AFAP1: variants seen among roughly 807,000 people sequenced by gnomAD.
AFAP1 encodes the protein actin filament associated protein 1.
Under a neutral mutation model 93.9 loss-of-function variants are expected in AFAP1, and 75 were observed. The observed-to-expected ratio is 0.80, with a 90% confidence interval of 0.66 to 0.97. The LOEUF (loss-of-function observed/expected upper bound fraction) is 0.97, where lower values mean the gene tolerates loss of function less well. Among genes scored for constraint, AFAP1 ranks in the 50% least tolerant of loss-of-function variants. AFAP1 has a pLI of 0.00. For synonymous variants in AFAP1, 517 were observed against 430.7 expected, an observed-to-expected ratio of 1.20 and a Z score of -2.48; for missense variants, 1,201 against 1,050.8, an observed-to-expected ratio of 1.14 and a Z score of -1.98.
chr4:7,783,300 C>A (rs889482328), intron 12 of AFAP1, among the ~76,000 whole-genome samples: 1 of 152,086 alleles, frequency 6.6e-6, no homozygotes, highest in Non-Finnish European at 1.5e-5. Context: ...CCACCATGCC[C>A]GGCTAATTTT....
At chr4:7,931,648 G>A (rs1721075251) in intron 1 of AFAP1, among the ~76,000 whole-genome samples, 1 of 151,654 alleles carries the variant, frequency 6.6e-6, no homozygotes, top group African/African-American at 2.4e-5. Flanking sequence ...CTCCCTAAGT[G>A]CTGGGATTAC....
At chr4:7,841,740 A>G (rs1359457029) in intron 5 of AFAP1, among the ~76,000 whole-genome samples, 2 of 152,224 alleles carry the variant, frequency 1.3e-5, no homozygotes, top group African/African-American at 4.8e-5. Flanking sequence ...ATTTGACCAA[A>G]CAGTGCTTTC....
intron 1 of AFAP1, among the ~76,000 whole-genome samples, chr4:7,934,754 C>T (rs770911118): frequency 5.9e-5 from 9 of 152,202 alleles, no homozygotes; most frequent in South Asian, 2.1e-4. Context: ...AAATGTGATG[C>T]TTTGCTGACC....
At chr4:7,790,746 G>C (rs1041901271) in intron 11 of AFAP1, among the ~76,000 whole-genome samples, 3 of 152,146 alleles carry the variant, frequency 2.0e-5, no homozygotes, top group Non-Finnish European at 4.4e-5. Context: ...TTGCTGATTA[G>C]AAAGAATATA....
intron 12 of AFAP1, 80 bp downstream of exon 12, chr4:7,786,114 C>A: frequency 7.5e-7 from 1 of 1,332,634 alleles, no homozygotes; most frequent in African/African-American, 1.5e-5. Flanking sequence ...AGACCTGAAA[C>A]CAGGGGAACT....
chr4:7,905,420 C>T (rs184061133), intron 1 of AFAP1, among the ~76,000 whole-genome samples: 325 of 152,258 alleles, frequency 2.1e-3, no homozygotes, highest in Non-Finnish European at 3.8e-3. Flanking sequence ...CTAATAAAAC[C>T]ACAAAAGGAT....
intron 9 of AFAP1, among the ~76,000 whole-genome samples, chr4:7,804,261 C>T (rs1285017691): frequency 1.3e-5 from 2 of 152,302 alleles, no homozygotes; most frequent in East Asian, 3.9e-4. Flanking sequence ...GAACTGCAGG[C>T]GGGAGCTTCA....
At chr4:7,897,909 A>T (rs781026063) in intron 1 of AFAP1, among the ~76,000 whole-genome samples, 18 of 152,076 alleles carry the variant, frequency 1.2e-4, no homozygotes, top group Non-Finnish European at 2.2e-4. Flanking sequence ...CCCCTGCTAT[A>T]ACCCACTCCT....
intron 1 of AFAP1, among the ~76,000 whole-genome samples, chr4:7,934,315 C>A (rs751028705): frequency 1.3e-5 from 2 of 152,344 alleles, no homozygotes; most frequent in African/African-American, 2.4e-5. Flanking sequence ...CTCTGCTGCA[C>A]TGAAATGATG....
At chr4:7,921,501 A>G (rs1168073030) in intron 1 of AFAP1, among the ~76,000 whole-genome samples, 1 of 151,432 alleles carries the variant, frequency 6.6e-6, no homozygotes, top group Non-Finnish European at 1.5e-5. Flanking sequence ...TTTTTAACCT[A>G]TCTATTAGAC....
At chr4:7,857,270 C>T (rs28504337) in intron 3 of AFAP1, among the ~76,000 whole-genome samples, 42,765 of 151,872 alleles carry the variant, frequency 0.28, 6,779 homozygotes, top group African/African-American at 0.43. Flanking sequence ...CCAGAAAGTA[C>T]GACTCCATCG....
intron 4 of AFAP1, among the ~76,000 whole-genome samples, chr4:7,853,834 G>A (rs185102976): frequency 8.5e-5 from 13 of 152,234 alleles, no homozygotes; most frequent in South Asian, 2.1e-4. Context: ...AGAGTCCCAC[G>A]GCAGACGTGT....
intron 1 of AFAP1, among the ~76,000 whole-genome samples, chr4:7,886,406 C>T (rs1445361917): frequency 3.3e-5 from 5 of 152,286 alleles, no homozygotes; most frequent in East Asian, 3.9e-4. Flanking sequence ...CTATGACAAT[C>T]GCTGTGCAGT....
At chr4:7,869,241 G>A (rs1188871055) in intron 2 of AFAP1, among the ~76,000 whole-genome samples, 1 of 150,228 alleles carries the variant, frequency 6.7e-6, no homozygotes, top group Non-Finnish European at 1.5e-5. Context: ...AGGGGAAGGA[G>A]GAAGGGGAAG....
chr4:7,881,155 G>T (rs970476796), intron 1 of AFAP1, among the ~76,000 whole-genome samples: 2 of 152,096 alleles, frequency 1.3e-5, no homozygotes, highest in Non-Finnish European at 2.9e-5. Flanking sequence ...ATCTAAATTG[G>T]GGGGTGGGAA....
intron 6 of AFAP1, among the ~76,000 whole-genome samples, chr4:7,822,010 G>T (rs1480099292): frequency 6.6e-6 from 1 of 152,210 alleles, no homozygotes; most frequent in Non-Finnish European, 1.5e-5. Flanking sequence ...TGATCTGTGT[G>T]TCTGATCTCT....
chr4:7,781,253 G>C, intron 13 of AFAP1, 123 bp downstream of exon 13: 1 of 1,255,802 alleles, frequency 8.0e-7, no homozygotes, highest in African/African-American at 1.5e-5. Context: ...TATTCTAGTT[G>C]AGAAAAAAAA....
intron 3 of AFAP1, 136 bp from the exon 4 acceptor site, chr4:7,855,710 C>T (rs966210192): frequency 1.3e-4 from 98 of 737,672 alleles, no homozygotes; most frequent in Middle Eastern, 9.3e-4. Context: ...CCTCATCCTA[C>T]GAAGAGGCTT....
chr4:7,817,130 C>G (rs548248752), intron 7 of AFAP1, among the ~76,000 whole-genome samples: 6 of 152,256 alleles, frequency 3.9e-5, no homozygotes. Context: ...AAAATTGCAT[C>G]AACCTTTTGG....
Sources: gnomAD v4.1 joint callset for allele counts (sites outside exome capture counted in the v4.1 genomes callset) on GRCh38, gnomAD v4.1.1 for gene constraint, MANE v1.5 for transcripts, NCBI Gene and HGNC (gene_info 2026-07-23, HGNC 2026-07-21) for gene names.